Variants in GLB1 observed in about 807,000 individuals in gnomAD.
The protein encoded by GLB1 is beta-galactosidase.
A neutral mutation model predicts 74.0 loss-of-function variants in GLB1; 56 were observed. That is an observed-to-expected ratio of 0.76 (90% confidence interval 0.61 to 0.94). The LOEUF (loss-of-function observed/expected upper bound fraction) is 0.94, where lower values mean the gene tolerates loss of function less well. GLB1 is among the 40% of genes least tolerant of loss of function. GLB1 has a pLI of 0.00. For missense variants in GLB1, 787 were observed against 845.5 expected (o/e 0.93, Z 0.86); for synonymous variants, 323 against 323.6 (o/e 1.00, Z 0.02).
chr3:33,042,009 T>C (rs975433918), intron 10 of GLB1, among the ~76,000 whole-genome samples: 1 of 151,262 alleles, frequency 6.6e-6, no homozygotes, highest in Non-Finnish European at 1.5e-5. Flanking sequence ...TAAAACACTT[T>C]AGAGTCACCC....
chr3:32,989,710 T>C, the GLB1 span, among the ~76,000 whole-genome samples: 2 of 152,210 alleles, frequency 1.3e-5, no homozygotes, highest in East Asian at 3.8e-4. Context: ...CAAAACTTTC[T>C]CCTTGCAGCT....
intron 10 of GLB1, among the ~76,000 whole-genome samples, chr3:33,042,196 T>C (rs1305946110): frequency 6.6e-6 from 1 of 152,034 alleles, no homozygotes; most frequent in Non-Finnish European, 1.5e-5. Flanking sequence ...CCTCCCAGGG[T>C]CTAATCTCAA....
At chr3:33,077,041 T>C in intron 1 of GLB1, 4 of 1,287,916 alleles carry the variant, frequency 3.1e-6, no homozygotes, top group South Asian at 1.3e-5. Flanking sequence ...CTGGGGAACA[T>C]GGCGAGACCC....
the GLB1 span, among the ~76,000 whole-genome samples, chr3:32,985,685 C>G: frequency 6.6e-6 from 1 of 151,782 alleles, no homozygotes; most frequent in Non-Finnish European, 1.5e-5. Context: ...AATTGGAATT[C>G]TATCACTTTT....
At chr3:32,990,726 C>A in the GLB1 span, among the ~76,000 whole-genome samples, 1 of 152,180 alleles carries the variant, frequency 6.6e-6, no homozygotes, top group African/African-American at 2.4e-5. Flanking sequence ...GTAATCCCAG[C>A]ACTTTGGAAG....
At chr3:33,025,800 A>C (rs1445722902) in intron 10 of GLB1, among the ~76,000 whole-genome samples, 2 of 152,112 alleles carry the variant, frequency 1.3e-5, no homozygotes, top group Admixed American at 1.3e-4. Context: ...CCTGTGCCCC[A>C]TGTCCCCGAG....
intron 1 of GLB1, chr3:33,090,562 G>C (rs534254561): frequency 2.0e-6 from 2 of 985,290 alleles, no homozygotes; most frequent in Admixed American, 6.1e-5. Flanking sequence ...AAATGAAATT[G>C]AAAGAATGAT....
intron 10 of GLB1, chr3:33,037,979 A>G (rs1169487359): frequency 7.5e-6 from 1 of 133,092 alleles, no homozygotes; most frequent in African/African-American, 2.7e-5. Flanking sequence ...AGCTTCTCCA[A>G]TCTGTGACTC....
intron 1 of GLB1, among the ~76,000 whole-genome samples, chr3:33,095,832 G>A (rs1701001552): frequency 6.6e-6 from 1 of 152,186 alleles, no homozygotes; most frequent in African/African-American, 2.4e-5. Context: ...CAGCTGGCTA[G>A]CTCTGACTCC....
chr3:33,089,163 C>T (rs1700648964), intron 1 of GLB1, among the ~76,000 whole-genome samples: 1 of 152,026 alleles, frequency 6.6e-6, no homozygotes, highest in African/African-American at 2.4e-5. Context: ...AACGTAAGAC[C>T]CAAAACTATA....
chr3:33,009,451 G>A (rs1246980064), intron 15 of GLB1, among the ~76,000 whole-genome samples: 1 of 152,108 alleles, frequency 6.6e-6, no homozygotes, highest in Non-Finnish European at 1.5e-5. Flanking sequence ...GAACCCAGGA[G>A]GCGGAGGTTG....
intron 10 of GLB1, among the ~76,000 whole-genome samples, chr3:33,029,042 T>A (rs1260220421): frequency 6.6e-6 from 1 of 152,194 alleles, no homozygotes; most frequent in African/African-American, 2.4e-5. Context: ...TATTAAGCTT[T>A]CATCTGTCTA....
At chr3:33,067,800 T>C (rs1032391487) in intron 4 of GLB1, among the ~76,000 whole-genome samples, 1 of 152,228 alleles carries the variant, frequency 6.6e-6, no homozygotes, top group African/African-American at 2.4e-5. Flanking sequence ...ACTCAGACTT[T>C]CACTAAACTT....
the GLB1 span, among the ~76,000 whole-genome samples, chr3:32,967,964 A>C: frequency 6.6e-6 from 1 of 152,138 alleles, no homozygotes; most frequent in Non-Finnish European, 1.5e-5. Flanking sequence ...GGGGAGCTTG[A>C]TCACCTCCCG....
the GLB1 span, among the ~76,000 whole-genome samples, chr3:32,989,134 G>A: frequency 6.6e-6 from 1 of 152,182 alleles, no homozygotes; most frequent in Non-Finnish European, 1.5e-5. Flanking sequence ...GATCATGGCA[G>A]ACAGTGGACA....
the GLB1 span, among the ~76,000 whole-genome samples, chr3:32,968,386 C>T: frequency 6.6e-6 from 1 of 152,108 alleles, no homozygotes; most frequent in Non-Finnish European, 1.5e-5. Flanking sequence ...CTACTGCACC[C>T]AGGAGAAACC....
chr3:33,049,706 G>A (rs141567623), intron 9 of GLB1, among the ~76,000 whole-genome samples: 184 of 152,110 alleles, frequency 1.2e-3, no homozygotes, highest in African/African-American at 4.3e-3. Context: ...GTGAGCCACC[G>A]CACCCAGCCT....
chr3:33,071,697 T>C (rs916104974), intron 2 of GLB1, among the ~76,000 whole-genome samples: 2 of 152,168 alleles, frequency 1.3e-5, no homozygotes, highest in Non-Finnish European at 2.9e-5. Flanking sequence ...CCTGCTCTTC[T>C]GTTGCCCACC....
intron 13 of GLB1, 61 bp downstream of exon 13, chr3:33,018,387 T>G: frequency 6.7e-7 from 1 of 1,493,554 alleles, no homozygotes; most frequent in Non-Finnish European, 9.2e-7. Flanking sequence ...TGTTAACAAG[T>G]GCAGGCTGCT....
Sources: allele counts gnomAD v4.1 joint callset (sites outside exome capture counted in the v4.1 genomes callset), GRCh38; gene constraint gnomAD v4.1.1; transcripts MANE v1.5; gene names NCBI Gene and HGNC (gene_info 2026-07-23, HGNC 2026-07-21).